The following FSIP2 variants were observed in gnomAD, a reference collection of about 807,000 sequenced individuals.
The protein encoded by FSIP2 is fibrous sheath-interacting protein 2.
A neutral mutation model predicts 510.5 loss-of-function variants in FSIP2; 367 were observed. The observed-to-expected ratio is 0.72, with a 90% confidence interval of 0.66 to 0.78. The LOEUF is 0.78. Among genes scored for constraint, FSIP2 ranks in the 30% least tolerant of loss-of-function variants. FSIP2 has a pLI of 0.00. For missense variants in FSIP2, 7,594 were observed against 7,901.7 expected (o/e 0.96, Z 1.48); for synonymous variants, 2,601 against 2,732.2 (o/e 0.95, Z 1.50).
intron 11 of FSIP2, among the ~76,000 whole-genome samples, chr2:185,762,820 C>CTTG (rs1553494898): frequency 6.6e-6 from 1 of 151,390 alleles, no homozygotes; most frequent in African/African-American, 2.4e-5. Flanking sequence ...TAAATCACAG[C>CTTG]TTTGTTTATT....
At position 185,753,770 on chromosome 2, in the gene FSIP2, C is replaced by A. The variant is rs569286068; in HGVS notation, c.919C>A (p.Gln307Lys). 21 of 1,425,804 alleles carry A rather than the reference C, an allele frequency of 1.5e-5. 1 individual carries two copies. The highest frequency in any genetic ancestry group is 8.6e-5 in the African/African-American group (6 of 69,610). The allele number at this position is 1,425,804 out of a possible 1,614,324, so 88.3% of individuals were successfully genotyped here. A position where few individuals can be genotyped will look rare whatever the true frequency, so the allele number is the denominator to read the frequency against. Residue 307 changes from glutamine (Q) to lysine (K), a missense_variant, in exon 8 of 23, where the codon CAA becomes AAA. Physicochemically the swap from Gln to Lys is moderately conservative, Grantham distance 53. Coordinates refer to ENST00000424728, the MANE Select transcript of FSIP2 (RefSeq NM_173651.4). The stretch of plus-strand genomic sequence containing the variant: ...AATGGCTTATCATTTACAAAAAATG[C>A]AAGATACTGGCTTTAACGGAGAAGA... Reference protein sequence around the residue: ...KKMAYHLQKMQDTGFNGEDIG... With the variant: ...KKMAYHLQKMKDTGFNGEDIG...
At chr2:185,812,192 C>T (rs893825192) in intron 17 of FSIP2, among the ~76,000 whole-genome samples, 6 of 152,134 alleles carry the variant, frequency 3.9e-5, no homozygotes, top group African/African-American at 1.2e-4. Flanking sequence ...GCAAAAACCA[C>T]AGGGGCAGGA....
intron 14 of FSIP2, among the ~76,000 whole-genome samples, chr2:185,784,396 G>A (rs943608098): frequency 6.6e-6 from 1 of 152,000 alleles, no homozygotes; most frequent in African/African-American, 2.4e-5. Flanking sequence ...TAGTGGGGGT[G>A]TAATGGTCAA....
rs1693159422 is a variant in FSIP2 at position 185,792,434 on chromosome 2, A to G, written c.5298A>G (p.Glu1766=). 1.3e-6 allele frequency: 2 copies of G among 1,533,492 alleles called. No individual in the cohort carries two copies. Among genetic ancestry groups the G allele is most frequent in the Non-Finnish European group, 1.7e-6 (2 of 1,145,074 alleles). 95.0% of individuals were successfully genotyped at this position (1,533,492 alleles called of 1,614,324 possible). A position where few individuals can be genotyped will look rare whatever the true frequency, so the allele number is the denominator to read the frequency against. The change falls in exon 16 of 23, where the codon GAA becomes GAG. Residue 1766 remains glutamate, a synonymous_variant. Transcript: ENST00000424728. ...WALEKTLNKI[E]VKLKEPHISP... ...TCGAAAAAACCTTAAACAAAATTGA[A>G]GTAAAACTCAAAGAACCACATATAT...
intron 20 of FSIP2, 114 bp downstream of exon 20, chr2:185,824,594 A>G (rs1418787743): frequency 2.2e-5 from 15 of 675,128 alleles, no homozygotes; most frequent in Non-Finnish European, 3.6e-5. Context: ...GAGTTTATCT[A>G]CTTTTGAAAA....
At position 185,762,005 on chromosome 2, in the gene FSIP2, T is replaced by C. The variant is rs1692361722; in HGVS notation, c.1228T>C (p.Phe410Leu). The C allele has an allele frequency of 2.7e-6, 4 of 1,473,728 alleles. No individual in the cohort carries two copies. Among genetic ancestry groups the C allele is most frequent in the Non-Finnish European group, 3.7e-6 (4 of 1,093,232 alleles). The allele number at this position is 1,473,728 out of a possible 1,614,324, so 91.3% of individuals were successfully genotyped here. A position where few individuals can be genotyped will look rare whatever the true frequency, so the allele number is the denominator to read the frequency against. The stretch of plus-strand genomic sequence containing the variant: ...GATGGTATCTAAAAACTCAAGTATT[T>C]TCGATGATAGAGGTAAGAAAATAAA... ...DGMVSKNSSI[F>L]DDRGGINISG... The change falls in exon 11 of 23, where the codon TTC (phenylalanine) becomes CTC (leucine). Residue 410 changes from phenylalanine (F) to leucine (L), a missense_variant. Transcript: ENST00000424728.
intron 7 of FSIP2, among the ~76,000 whole-genome samples, chr2:185,753,145 T>C (rs921962888): frequency 1.5e-4 from 23 of 151,376 alleles, no homozygotes; most frequent in African/African-American, 5.3e-4. Context: ...CCTAGATAGG[T>C]TGCAGTGACT....
Position 185,800,453 on chromosome 2 carries a change from G to C in FSIP2, c.11147G>C (p.Gly3716Ala). The change falls in exon 17 of 23, where the codon GGT becomes GCT. Residue 3716 changes from glycine to alanine, a missense_variant. Gly to Ala is a moderately conservative substitution (Grantham distance 60). Transcript: ENST00000424728. ...LFSPDECLDT[G>A]MDSGKIQRTY... Reference sequence around the variant, plus strand: ...TCACCAGATGAATGCCTAGATACGGGTATGGATTCTGGTAAAATACAAAGA... The same window carrying C: ...TCACCAGATGAATGCCTAGATACGGCTATGGATTCTGGTAAAATACAAAGA... 2 of 1,532,112 alleles carry C rather than the reference G, an allele frequency of 1.3e-6. No homozygotes were observed. The highest frequency in any genetic ancestry group is 8.7e-7 in the Non-Finnish European group (1 of 1,144,540). The allele number at this position is 1,532,112 out of a possible 1,614,324, so 94.9% of individuals were successfully genotyped here.
rs11428864 is a variant in FSIP2 at position 185,760,408 on chromosome 2, G to GAA, written c.1079-572_1079-571dup. Among the ~76,000 whole-genome samples the GAA allele has an allele frequency of 1.0e-3, 145 of 144,310 alleles. 1 individual carries two copies. The highest frequency in any genetic ancestry group is 2.4e-3 in the South Asian group (11 of 4,668). The allele number at this position is 144,310 out of a possible 152,430, so 94.7% of individuals were successfully genotyped here. The stretch of plus-strand genomic sequence containing the variant: ...TACTAGGTATTTACCCAGTAAAAAT[G>GAA]AAAAAAAAATGTGTTCACACATGAC... On this transcript the variant is annotated intron_variant, in intron 9 of 22. Coordinates refer to ENST00000424728, the MANE Select transcript of FSIP2 (RefSeq NM_173651.4).
At chr2:185,756,073 C>A in intron 8 of FSIP2, 119 bp from the exon 9 acceptor site, 1 of 381,596 alleles carries the variant, frequency 2.6e-6, no homozygotes, top group Non-Finnish European at 4.7e-6. Context: ...TCTCGCAATC[C>A]CACATACAGA....
chr2:185,798,629 T>C (rs1353192164), intron 16 of FSIP2, among the ~76,000 whole-genome samples: 4 of 151,702 alleles, frequency 2.6e-5, no homozygotes, highest in Admixed American at 2.0e-4. Context: ...CACGAGGAGG[T>C]TATTTTCCAT....
intron 16 of FSIP2, among the ~76,000 whole-genome samples, 166 bp from the exon 17 acceptor site, chr2:185,799,531 G>A: frequency 6.6e-6 from 1 of 151,698 alleles, no homozygotes; most frequent in East Asian, 1.9e-4. Context: ...TTTGCAAGGT[G>A]AGAAAATAAA....
Position 185,801,921 on chromosome 2 carries a change from T to C in FSIP2, c.12615T>C (p.Tyr4205=). The part of the protein sequence containing the change: ...WFTIYDNQYL[Y]TGKNLQKMVD... ...CTATATATGATAATCAATATCTATA[T>C]ACTGGAAAAAACCTCCAAAAGATGG... The change falls in exon 17 of 23, where the codon TAT becomes TAC. Residue 4205 remains tyrosine, a synonymous_variant. Coordinates refer to ENST00000424728, the MANE Select transcript of FSIP2 (RefSeq NM_173651.4). 1 of 1,512,196 alleles carries C rather than the reference T, an allele frequency of 6.6e-7. No individual in the cohort carries two copies. Among genetic ancestry groups the C allele is most frequent in the Non-Finnish European group, 8.8e-7 (1 of 1,130,622 alleles). The allele number at this position is 1,512,196 out of a possible 1,614,324, so 93.7% of individuals were successfully genotyped here. A position where few individuals can be genotyped will look rare whatever the true frequency, so the allele number is the denominator to read the frequency against.
chr2:185,808,312 T>G lies in FSIP2; in HGVS notation c.19006T>G (p.Ser6336Ala), dbSNP rs776667238. 6.2e-7 allele frequency: 1 copy of G among 1,607,958 alleles called. No homozygotes were observed. The highest frequency in any genetic ancestry group is 1.1e-5 in the South Asian group (1 of 89,808). ...IDELKSKEKS[S>A]SRKGLTLDAK... ...TGAACTTAAGTCTAAGGAAAAGTCT[T>G]CATCCAGAAAAGGTTTGACATTAGA... Residue 6336 changes from serine to alanine, a missense_variant, in exon 17 of 23, where the codon TCA becomes GCA. By Grantham distance (99) the Ser-to-Ala change is moderately conservative (BLOSUM62 1). Coordinates refer to ENST00000424728, the MANE Select transcript of FSIP2 (RefSeq NM_173651.4).
rs1383660871 is a variant in FSIP2 at position 185,795,248 on chromosome 2, C to T, written c.8112C>T (p.Asp2704=). Reference sequence around the variant, plus strand: ...GTCCTGGAGAGAAGACCCTAAAAGACAGCAGATCCAAGACTGCCATTGGGT... The same window carrying T: ...GTCCTGGAGAGAAGACCCTAAAAGATAGCAGATCCAAGACTGCCATTGGGT... ...KLGPGEKTLK[D]SRSKTAIGLS... The change falls in exon 16 of 23, where the codon GAC becomes GAT. Residue 2704 remains aspartate, a synonymous_variant. Coordinates refer to ENST00000424728, the MANE Select transcript of FSIP2 (RefSeq NM_173651.4). 2.0e-6 allele frequency: 3 copies of T among 1,535,074 alleles called. No individual in the cohort carries two copies. The highest frequency in any genetic ancestry group is 2.4e-5 in the East Asian group (1 of 40,856).
intron 21 of FSIP2, among the ~76,000 whole-genome samples, chr2:185,830,803 T>A (rs1204351963): frequency 6.6e-6 from 1 of 151,800 alleles, no homozygotes; most frequent in Non-Finnish European, 1.5e-5. Context: ...GATGAAGGAT[T>A]CTCAGTCCTA....
chr2:185,788,997 T>C lies in FSIP2; in HGVS notation c.1861T>C (p.Ser621Pro). Residue 621 changes from serine (S) to proline (P), a missense_variant, in exon 16 of 23, where the codon TCT (serine) becomes CCT (proline). By Grantham distance (74) the Ser-to-Pro change is moderately conservative (BLOSUM62 -1). Coordinates refer to ENST00000424728, the MANE Select transcript of FSIP2 (RefSeq NM_173651.4). ...VGKTCHIKGQ[S>P]IISKHKYNKT... ...GAAAACATGTCACATAAAAGGACAA[T>C]CTATAATCTCTAAACATAAATATAA... The C allele has an allele frequency of 6.5e-7, 1 of 1,534,158 alleles. No homozygotes were observed. Among genetic ancestry groups the C allele is most frequent in the South Asian group, 1.2e-5 (1 of 84,026 alleles).
In FSIP2 at chr2:185,807,014, A is replaced by G. The variant is rs761139632; in HGVS notation, c.17708A>G (p.Asp5903Gly). 4.4e-6 allele frequency: 7 copies of G among 1,599,516 alleles called. No homozygotes were observed. In the East Asian group the frequency reaches 1.3e-4, roughly 31 times the overall value. Reference protein sequence around the residue: ...MHKMMRKPSSDKIPSIDKTLV... With the variant: ...MHKMMRKPSSGKIPSIDKTLV... The stretch of plus-strand genomic sequence containing the variant: ...AAAATGATGAGAAAACCTTCTTCAG[A>G]TAAGATACCATCAATTGACAAAACA... Residue 5903 changes from aspartate to glycine, a missense_variant, in exon 17 of 23, where the codon GAT becomes GGT. Transcript: ENST00000424728.
chr2:185,813,748 A>G lies in FSIP2; in HGVS notation c.20031A>G (p.Glu6677=). The G allele has an allele frequency of 6.2e-7, 1 of 1,612,638 alleles. No homozygotes were observed. The highest frequency in any genetic ancestry group is 8.5e-7 in the Non-Finnish European group (1 of 1,179,342). Residue 6677 remains glutamate (E), a synonymous_variant, in exon 18 of 23, where the codon GAA becomes GAG. Transcript: ENST00000424728. Reference sequence around the variant, plus strand: ...TTTTAACACAGACTTTTGCAAAAGAAGAAGGCATCAAAGTATTTGAAGATC... The same window carrying G: ...TTTTAACACAGACTTTTGCAAAAGAGGAAGGCATCAAAGTATTTGAAGATC... ...EVVLTQTFAK[E]EGIKVFEDQV... is the part of the protein sequence containing the mutation.
Sources: gnomAD v4.1 joint callset for allele counts (sites outside exome capture counted in the v4.1 genomes callset) on GRCh38, gnomAD v4.1.1 for gene constraint, MANE v1.5 for transcripts, NCBI Gene and HGNC (gene_info 2026-07-23, HGNC 2026-07-21) for gene names.